ARFGEF2: variants seen among roughly 807,000 people sequenced by gnomAD.
ARFGEF2 encodes the protein brefeldin A-inhibited guanine nucleotide-exchange protein 2.
ARFGEF2 carries 74 observed loss-of-function variants against 219.9 expected under a neutral mutation model. That is an observed-to-expected ratio of 0.34 (90% CI 0.28 to 0.41). The LOEUF (loss-of-function observed/expected upper bound fraction) is 0.41. ARFGEF2 is among the 10% of genes least tolerant of loss of function. The pLI is 1.00. For synonymous variants in ARFGEF2, 733 were observed against 799.2 expected (o/e 0.92, Z 1.40); for missense variants, 1,743 against 2,218.3 (o/e 0.79, Z 4.30).
chr20:48,921,776 G>T lies in ARFGEF2; in HGVS notation c.-114G>T. ...GGCCGAGGTGTCGCTTCCTGACGGG[G>T]CGGCGCGGACGGACGCGGCCGGTGC... On this transcript the variant is annotated 5_prime_UTR_variant, in exon 1 of 39. Coordinates refer to ENST00000371917, the MANE Select transcript of ARFGEF2 (RefSeq NM_006420.3). The T allele has an allele frequency of 9.1e-7, 1 of 1,103,162 alleles. No individual in the cohort carries two copies. The highest frequency in any genetic ancestry group is 1.1e-6 in the Non-Finnish European group (1 of 888,748). 68.3% of individuals were successfully genotyped at this position (1,103,162 alleles called of 1,614,324 possible). A position where few individuals can be genotyped will look rare whatever the true frequency, so the allele number is the denominator to read the frequency against.
chr20:49,028,116 G>A (rs774652393), intron 36 of ARFGEF2, among the ~76,000 whole-genome samples: 4 of 152,150 alleles, frequency 2.6e-5, no homozygotes, highest in African/African-American at 7.2e-5. Context: ...AAATTAGCCC[G>A]GCATGGTGGT....
In ARFGEF2 at chr20:48,985,500, A is replaced by G; in HGVS notation, c.2163A>G (p.Glu721=). ...YVDQLDFCEK[E]FVSALRTFLE... ...ACCAACTTGACTTCTGTGAAAAAGA[A>G]TTTGTCTCAGCCCTGCGGACATTCC... Residue 721 remains glutamate, a synonymous_variant, in exon 16 of 39, where the codon GAA becomes GAG. Coordinates refer to ENST00000371917, the MANE Select transcript of ARFGEF2 (RefSeq NM_006420.3). 6.2e-7 allele frequency: 1 copy of G among 1,614,206 alleles called. No individual in the cohort carries two copies.
At chr20:49,018,294 G>A (rs758960150) in intron 33 of ARFGEF2, among the ~76,000 whole-genome samples, 12 of 152,104 alleles carry the variant, frequency 7.9e-5, no homozygotes, top group Non-Finnish European at 1.2e-4. Context: ...GTGCAGCAGT[G>A]CGATCTCGGC....
chr20:48,922,865 CA>C lies in ARFGEF2; in HGVS notation c.121+856del, dbSNP rs1387396890. ...AGAATTCAGTGGGGAACAAGACGGA[CA>C]TGGTCCTTACCCCTATGGAGCTTAT... On this transcript the variant is annotated intron_variant, in intron 1 of 38. Coordinates refer to ENST00000371917, the MANE Select transcript of ARFGEF2 (RefSeq NM_006420.3). Among the ~76,000 whole-genome samples the C allele has an allele frequency of 2.0e-5, 3 of 152,350 alleles. No individual in the cohort carries two copies. In the East Asian group the frequency reaches 5.8e-4, roughly 29 times the overall value.
chr20:48,970,525 G>T (rs566687531), intron 9 of ARFGEF2, among the ~76,000 whole-genome samples: 43 of 151,616 alleles, frequency 2.8e-4, no homozygotes, highest in African/African-American at 1.0e-3. Context: ...CAGGAGAATC[G>T]CTTGAACCCA....
At chr20:48,964,949 G>A (rs1333407121) in intron 7 of ARFGEF2, among the ~76,000 whole-genome samples, 1 of 152,174 alleles carries the variant, frequency 6.6e-6, no homozygotes, top group African/African-American at 2.4e-5. Context: ...ATGTGCCCAT[G>A]TCTATACTGG....
intron 34 of ARFGEF2, among the ~76,000 whole-genome samples, chr20:49,021,507 G>C (rs1011998085): frequency 1.3e-5 from 2 of 152,062 alleles, no homozygotes; most frequent in Non-Finnish European, 1.5e-5. Context: ...AGTCTACTCA[G>C]TAAGCAGAAA....
chr20:49,022,280 C>T (rs1006512025), intron 34 of ARFGEF2, among the ~76,000 whole-genome samples: 17 of 151,798 alleles, frequency 1.1e-4, no homozygotes, highest in Non-Finnish European at 1.9e-4. Context: ...AGCTTCTTGG[C>T]CAGGCAAGCA....
intron 26 of ARFGEF2, among the ~76,000 whole-genome samples, chr20:49,009,549 C>G (rs2091483199): frequency 6.6e-6 from 1 of 152,068 alleles, no homozygotes; most frequent in African/African-American, 2.4e-5. Flanking sequence ...ATATAGCTTT[C>G]CTTCTTGCTA....
chr20:48,996,371 C>T (rs180827745), intron 23 of ARFGEF2, among the ~76,000 whole-genome samples: 2 of 151,298 alleles, frequency 1.3e-5, no homozygotes, highest in African/African-American at 4.9e-5. Context: ...AGGAGAATGG[C>T]GTGAACCCAG....
rs1491205340 is a variant in ARFGEF2, at chr20:48,946,495, A to ATT, written c.276+4512_276+4513dup. ...ATCAATTTTATATATATATATATATATTTTTATTTTTTATTTTTTTAGAGA... is the reference window on the plus strand; with the variant it reads ...ATCAATTTTATATATATATATATATATTTTTTTATTTTTTATTTTTTTAGAGA... On this transcript the variant is annotated intron_variant, in intron 3 of 38. Coordinates refer to ENST00000371917, the MANE Select transcript of ARFGEF2 (RefSeq NM_006420.3). Among the ~76,000 whole-genome samples, 382 of 134,358 alleles carry ATT rather than the reference A, an allele frequency of 2.8e-3. 3 individuals are homozygous for ATT. Among genetic ancestry groups the ATT allele is most frequent in the East Asian group, 0.025 (123 of 4,902 alleles). The allele number at this position is 134,358 out of a possible 152,430, so 88.1% of individuals were successfully genotyped here.
intron 35 of ARFGEF2, among the ~76,000 whole-genome samples, chr20:49,023,696 G>A (rs1308385455): frequency 1.3e-5 from 2 of 151,426 alleles, no homozygotes; most frequent in East Asian, 1.9e-4. Context: ...CCGCTACCAC[G>A]CCCGGCTAAT....
chr20:48,984,810 A>C lies in ARFGEF2; in HGVS notation c.2040A>C (p.Gln680His), dbSNP rs1469198321. 6.2e-7 allele frequency: 1 copy of C among 1,613,072 alleles called. No homozygotes were observed. Among genetic ancestry groups the C allele is most frequent in the South Asian group, 1.1e-5 (1 of 91,028 alleles). ...GAACGTCAGTTGAAGACATAGCCCA[A>C]TTCCTGCACCAGGAGGAGCGCCTGG... is the stretch of plus-strand genomic sequence containing the variant. Reference protein sequence around the residue: ...MLGTSVEDIAQFLHQEERLDS... With the variant: ...MLGTSVEDIAHFLHQEERLDS... The change falls in exon 15 of 39, where the codon CAA (glutamine) becomes CAC (histidine). Residue 680 changes from glutamine (Q) to histidine (H), a missense_variant. By Grantham distance (24) the Gln-to-His change is conservative (BLOSUM62 0). Transcript: ENST00000371917.
At chr20:49,013,741 C>T (rs187366955) in intron 29 of ARFGEF2, 47 bp downstream of exon 29, 584 of 1,614,004 alleles carry the variant, frequency 3.6e-4, no homozygotes, top group Admixed American at 9.8e-4. Context: ...TGAAATGAAC[C>T]TCAGTCACTT....
intron 22 of ARFGEF2, among the ~76,000 whole-genome samples, chr20:48,994,887 C>T (rs1038280261): frequency 6.6e-6 from 1 of 152,052 alleles, no homozygotes; most frequent in Middle Eastern, 3.2e-3. Context: ...ATCTCTAGTG[C>T]CTGACATTAG....
chr20:49,036,433 G>GT lies in ARFGEF2; in HGVS notation c.*3238dup, dbSNP rs2091666520. Reference sequence around the variant, plus strand: ...TCAAATATTTATGTGTAAAATGTATGTTTTACCTCCTTAAAATGCCTAAAA... The same window carrying GT: ...TCAAATATTTATGTGTAAAATGTATGTTTTTACCTCCTTAAAATGCCTAAAA... On this transcript the variant is annotated 3_prime_UTR_variant, in exon 39 of 39. Transcript: ENST00000371917. The GT allele has an allele frequency of 7.6e-6, 3 of 392,506 alleles. No homozygotes were observed. The highest frequency in any genetic ancestry group is 9.0e-6 in the Non-Finnish European group (2 of 222,934). The allele number at this position is 392,506 out of a possible 1,614,324, so 24.3% of individuals were successfully genotyped here.
At position 49,028,607 on chromosome 20, in the gene ARFGEF2, C is replaced by T; in HGVS notation, c.5002C>T (p.Arg1668Ter). The T allele has an allele frequency of 6.2e-7, 1 of 1,614,076 alleles. No individual in the cohort carries two copies. The change falls in exon 37 of 39, where the codon CGA (arginine) becomes TGA (stop). Residue 1668 changes from arginine to a stop codon, truncating the protein, a stop_gained. Transcript: ENST00000371917. LOFTEE classifies it high-confidence loss of function. ...SLACCLRILF[R>*]MYVDENRRDS... Reference sequence around the variant, plus strand: ...GGCCTGTTGTTTGAGGATCCTGTTTCGAATGTATGTTGATGAGAACCGCAG... The same window carrying T: ...GGCCTGTTGTTTGAGGATCCTGTTTTGAATGTATGTTGATGAGAACCGCAG...
chr20:49,008,622 G>C (rs959567327), intron 26 of ARFGEF2, among the ~76,000 whole-genome samples: 1 of 151,584 alleles, frequency 6.6e-6, no homozygotes, highest in Non-Finnish European at 1.5e-5. Context: ...TAGAGAAATG[G>C]ACAGGTTATA....
At chr20:48,997,418 A>G (rs1255267432) in intron 23 of ARFGEF2, among the ~76,000 whole-genome samples, 1 of 152,024 alleles carries the variant, frequency 6.6e-6, no homozygotes, top group Non-Finnish European at 1.5e-5. Context: ...GACTACAGGC[A>G]TGCACCACCA....
Sources: allele counts gnomAD v4.1 joint callset (sites outside exome capture counted in the v4.1 genomes callset), GRCh38; gene constraint gnomAD v4.1.1; transcripts MANE v1.5; gene names NCBI Gene and HGNC (gene_info 2026-07-23, HGNC 2026-07-21).